Variants in SPATA13 observed in about 807,000 individuals in gnomAD.
The protein encoded by SPATA13 is spermatogenesis-associated protein 13.
SPATA13 carries 50 observed loss-of-function variants against 104.0 expected under a neutral mutation model. The observed-to-expected ratio is 0.48, with a 90% CI of 0.38 to 0.61. The LOEUF is 0.61. Ranked by LOEUF, SPATA13 falls within the 20% of genes least tolerant of loss-of-function variation. The pLI, the probability that SPATA13 is intolerant of heterozygous loss-of-function variation, is 0.00. For missense variants in SPATA13, 1,524 were observed against 1,690.6 expected (o/e 0.90, Z 1.73); for synonymous variants, 606 against 667.5 (o/e 0.91, Z 1.42).
At chr13:24,114,359 G>GTGTGCCTGCATGTGTGCACCTGCGCA (rs1880758033) in intron 3 of SPATA13, among the ~76,000 whole-genome samples, 1 of 95,534 alleles carries the variant, frequency 1.0e-5, no homozygotes. Flanking sequence ...GTGTGCACGT[G>GTGTGCCTGCATGTGTGCACCTGCGCA]TGTGCCTGCA....
At chr13:24,244,167 T>C (rs543872928) in intron 2 of SPATA13, among the ~76,000 whole-genome samples, 1 of 152,310 alleles carries the variant, frequency 6.6e-6, no homozygotes, top group East Asian at 1.9e-4. Flanking sequence ...CATGACTTCC[T>C]CCCTTTCGTG....
chr13:24,138,590 TA>T (rs1160885309), intron 3 of SPATA13, among the ~76,000 whole-genome samples: 1 of 152,118 alleles, frequency 6.6e-6, no homozygotes, highest in African/African-American at 2.4e-5. Context: ...TTTTGTTTTT[TA>T]ATTTATTTTA....
At chr13:24,024,731 C>T (rs1877130433) in intron 3 of SPATA13, among the ~76,000 whole-genome samples, 1 of 149,888 alleles carries the variant, frequency 6.7e-6, no homozygotes, top group Non-Finnish European at 1.5e-5. Context: ...GTAAAACTCC[C>T]TCTCTAGAAA....
chr13:24,027,570 C>A (rs1047994672), intron 3 of SPATA13, among the ~76,000 whole-genome samples: 1 of 151,904 alleles, frequency 6.6e-6, no homozygotes, highest in South Asian at 2.1e-4. Context: ...TTATTATTTC[C>A]TTTCTTCTAC....
chr13:24,293,748 C>T (rs985957914), intron 9 of SPATA13, among the ~76,000 whole-genome samples: 3 of 152,196 alleles, frequency 2.0e-5, no homozygotes, highest in Non-Finnish European at 2.9e-5. Flanking sequence ...CTGCTCTCTG[C>T]GCCACTTCTG....
intron 1 of SPATA13, among the ~76,000 whole-genome samples, chr13:23,980,590 T>C (rs1874838879): frequency 6.6e-6 from 1 of 151,296 alleles, no homozygotes. Context: ...CTTAACGAAG[T>C]TTTGTTTTGT....
At chr13:24,050,402 T>C (rs964267040) in intron 3 of SPATA13, among the ~76,000 whole-genome samples, 1 of 152,138 alleles carries the variant, frequency 6.6e-6, no homozygotes, top group South Asian at 2.1e-4. Context: ...AAATCAGATA[T>C]CCTTGTTATA....
In SPATA13 at chr13:24,031,307, G is replaced by C. The variant is rs1593288648; in HGVS notation, c.-112+13606G>C. Among the ~76,000 whole-genome samples the C allele has an allele frequency of 4.6e-5, 7 of 152,204 alleles. No individual in the cohort carries two copies. The South Asian group carries it at 1.4e-3, about 32-fold the overall frequency. On this transcript the variant is annotated intron_variant, in intron 3 of 14. Transcript: ENST00000424834. ...TGGTCCATAGCATAACTGGTTGGGAGACTCCCTTCCATTGGTTTCTTTGGA... is the reference window on the plus strand; with the variant it reads ...TGGTCCATAGCATAACTGGTTGGGACACTCCCTTCCATTGGTTTCTTTGGA...
At chr13:24,138,261 G>T (rs532340199) in intron 3 of SPATA13, among the ~76,000 whole-genome samples, 4 of 151,334 alleles carry the variant, frequency 2.6e-5, no homozygotes, top group African/African-American at 9.7e-5. Flanking sequence ...AAGCTGGGAT[G>T]CACCATTCCA....
At chr13:23,997,890 C>T (rs1164204651) in intron 2 of SPATA13, among the ~76,000 whole-genome samples, 1 of 152,152 alleles carries the variant, frequency 6.6e-6, no homozygotes, top group Non-Finnish European at 1.5e-5. Context: ...CCATCTCCAA[C>T]ACTAGGGATC....
chr13:24,136,708 C>A (rs565543879), intron 3 of SPATA13, among the ~76,000 whole-genome samples: 44 of 152,230 alleles, frequency 2.9e-4, no homozygotes, highest in African/African-American at 9.9e-4. Flanking sequence ...TAGGCCCCAG[C>A]ACAAGACTGG....
rs1422471115 is a variant in SPATA13, at chr13:24,189,831, A to T, written c.-112+28899A>T. On this transcript the variant is annotated intron_variant, in intron 1 of 12. Coordinates refer to ENST00000382108, the MANE Select transcript of SPATA13 (RefSeq NM_001166271.3). ...TATAATATATTATAAATATATATAA[A>T]ATGATATTTAATATATTATATTAAT... 3.8e-4 allele frequency among the ~76,000 whole-genome samples: 21 copies of T among 55,102 alleles called. 3 individuals carry two copies. Among genetic ancestry groups the T allele is most frequent in the South Asian group, 9.0e-4 (1 of 1,106 alleles). 36.1% of individuals were successfully genotyped at this position (55,102 alleles called of 152,430 possible).
chr13:24,038,013 G>A (rs936104455), intron 3 of SPATA13, among the ~76,000 whole-genome samples: 5 of 151,874 alleles, frequency 3.3e-5, no homozygotes, highest in African/African-American at 4.8e-5. Flanking sequence ...CCGGGTTCAC[G>A]CCATTCTCCT....
intron 10 of SPATA13, among the ~76,000 whole-genome samples, chr13:24,295,674 TC>T (rs1876727271): frequency 1.1e-3 from 1 of 902 alleles, no homozygotes; most frequent in Admixed American, 0.018. Flanking sequence ...ATTCTCACTC[TC>T]TCTCTCTCTC....
chr13:24,075,922 A>G (rs1879309850), intron 3 of SPATA13, among the ~76,000 whole-genome samples: 1 of 152,222 alleles, frequency 6.6e-6, no homozygotes, highest in Non-Finnish European at 1.5e-5. Context: ...TTTCTGCAGA[A>G]GAATTAGGAC....
At chr13:24,268,792 T>C (rs1275316339) in intron 4 of SPATA13, among the ~76,000 whole-genome samples, 1 of 152,140 alleles carries the variant, frequency 6.6e-6, no homozygotes, top group Non-Finnish European at 1.5e-5. Flanking sequence ...GAGAAAGATT[T>C]TCAGCTGAAC....
rs190718327 is a variant in SPATA13, at chr13:24,171,875, G to A, written c.-112+10943G>A. Among the ~76,000 whole-genome samples, 3 of 152,268 alleles carry A rather than the reference G, an allele frequency of 2.0e-5. No individual in the cohort carries two copies. The East Asian group carries it at 5.8e-4, about 29-fold the overall frequency. On this transcript the variant is annotated intron_variant, in intron 1 of 12. Coordinates refer to ENST00000382108, the MANE Select transcript of SPATA13 (RefSeq NM_001166271.3). ...AAAAGCATAGGGATTTGAAAGTTAAGGCAGTATATAATTGTATCAGCAAAT... is the reference window on the plus strand; with the variant it reads ...AAAAGCATAGGGATTTGAAAGTTAAAGCAGTATATAATTGTATCAGCAAAT...
At chr13:24,049,331 C>T (rs1878256793) in intron 3 of SPATA13, among the ~76,000 whole-genome samples, 1 of 152,190 alleles carries the variant, frequency 6.6e-6, no homozygotes, top group Non-Finnish European at 1.5e-5. Context: ...GAATACTTAC[C>T]ATTGTGTTAC....
chr13:24,031,687 T>C (rs1877487583), intron 3 of SPATA13, among the ~76,000 whole-genome samples: 1 of 152,218 alleles, frequency 6.6e-6, no homozygotes. Flanking sequence ...AGACCTCATA[T>C]GACCTGCCCT....
Sources: allele counts gnomAD v4.1 joint callset (sites outside exome capture counted in the v4.1 genomes callset), GRCh38; gene constraint gnomAD v4.1.1; transcripts MANE v1.5; gene names NCBI Gene and HGNC (gene_info 2026-07-23, HGNC 2026-07-21).